Variants in NRG3 observed in about 807,000 individuals in gnomAD.
The protein encoded by NRG3 is pro-neuregulin-3, membrane-bound isoform.
In NRG3, 31 loss-of-function variants were observed where a neutral mutation model predicts 66.9. That is an observed-to-expected ratio of 0.46 (90% CI 0.35 to 0.63). NRG3 has a LOEUF of 0.63. Ranked by LOEUF, NRG3 falls within the 20% of genes least tolerant of loss-of-function variation. NRG3 has a pLI of 0.00. For synonymous variants in NRG3, 393 were observed against 359.4 expected, an observed-to-expected ratio of 1.09 and a Z score of -1.06; for missense variants, 910 against 878.9, an observed-to-expected ratio of 1.04 and a Z score of -0.45.
At chr10:82,415,379 G>C (rs970195943) in intron 2 of NRG3, among the ~76,000 whole-genome samples, 3 of 152,136 alleles carry the variant, frequency 2.0e-5, no homozygotes, top group Admixed American at 2.0e-4. Flanking sequence ...GCATTACGAT[G>C]TAAGTGCTTA....
intron 3 of NRG3, among the ~76,000 whole-genome samples, chr10:82,785,394 G>GA: frequency 6.6e-6 from 1 of 151,062 alleles, no homozygotes; most frequent in East Asian, 1.9e-4. Context: ...TAAATTAAAA[G>GA]AAAAAAGAAA....
chr10:82,131,549 G>T (rs1173852557), intron 1 of NRG3, among the ~76,000 whole-genome samples: 1 of 151,850 alleles, frequency 6.6e-6, no homozygotes, highest in African/African-American at 2.4e-5. Context: ...ATCAAATTTA[G>T]GATTATTTTT....
intron 2 of NRG3, among the ~76,000 whole-genome samples, chr10:82,372,671 G>T (rs551092984): frequency 6.6e-6 from 1 of 152,196 alleles, no homozygotes; most frequent in Admixed American, 6.5e-5. Context: ...TTGGCTCACT[G>T]CAACCTCCAC....
intron 1 of NRG3, among the ~76,000 whole-genome samples, chr10:81,911,617 T>G (rs868261990): frequency 1.4e-5 from 2 of 146,792 alleles, no homozygotes; most frequent in Non-Finnish European, 3.0e-5. Context: ...TTTTTTTTTT[T>G]TTTTTTTTTT....
chr10:82,912,152 T>A (rs1845382767), intron 4 of NRG3, among the ~76,000 whole-genome samples: 1 of 152,192 alleles, frequency 6.6e-6, no homozygotes, highest in South Asian at 2.1e-4. Context: ...ATGGTTAGAT[T>A]AAGTCTTCTA....
chr10:81,977,516 A>G (rs959651530), intron 1 of NRG3, among the ~76,000 whole-genome samples: 2 of 152,230 alleles, frequency 1.3e-5, no homozygotes, highest in Admixed American at 1.3e-4. Flanking sequence ...GCAAAATTAT[A>G]TTGAATTTCA....
intron 2 of NRG3, among the ~76,000 whole-genome samples, chr10:82,676,836 G>GT (rs960155913): frequency 1.5e-4 from 23 of 149,966 alleles, no homozygotes; most frequent in South Asian, 4.2e-4. Context: ...TTCTTTGAAC[G>GT]TTTTTTTTTC....
In NRG3 at chr10:82,624,918, T is replaced by TTTATA. The variant is rs1565140013; in HGVS notation, c.954-113658_954-113657insTATAT. On this transcript the variant is annotated intron_variant, in intron 2 of 8. Transcript: ENST00000372141. Reference sequence around the variant, plus strand: ...ATAAATATAAATATATATATATATTTTATATATATATATATATAAAATGTG... The same window carrying TTTATA: ...ATAAATATAAATATATATATATATTTTTATATATATATATATATATATAAAATGTG... Among the ~76,000 whole-genome samples, 10 of 144,350 alleles carry TTTATA rather than the reference T, an allele frequency of 6.9e-5. No homozygotes were observed. In the South Asian group the frequency reaches 2.2e-3, roughly 31 times the overall value. The allele number at this position is 144,350 out of a possible 152,430, so 94.7% of individuals were successfully genotyped here. A position where few individuals can be genotyped will look rare whatever the true frequency, so the allele number is the denominator to read the frequency against.
At chr10:82,809,269 A>C (rs1282598421) in intron 3 of NRG3, among the ~76,000 whole-genome samples, 1 of 152,188 alleles carries the variant, frequency 6.6e-6, no homozygotes, top group Non-Finnish European at 1.5e-5. Flanking sequence ...GTCTCAGGGC[A>C]TATTAAACAA....
intron 1 of NRG3, among the ~76,000 whole-genome samples, chr10:82,177,929 A>G (rs1564635034): frequency 6.6e-6 from 1 of 152,158 alleles, no homozygotes; most frequent in Non-Finnish European, 1.5e-5. Flanking sequence ...GGCCTCAAGC[A>G]GTCCTCCTGC....
chr10:81,907,517 C>T (rs532419801), intron 1 of NRG3, among the ~76,000 whole-genome samples: 5 of 152,192 alleles, frequency 3.3e-5, no homozygotes, highest in African/African-American at 4.8e-5. Flanking sequence ...TTCATATAAT[C>T]GTTTTTAATG....
intron 4 of NRG3, among the ~76,000 whole-genome samples, chr10:82,915,563 T>G (rs893669733): frequency 6.6e-6 from 1 of 152,214 alleles, no homozygotes; most frequent in African/African-American, 2.4e-5. Context: ...CTTAAGAATT[T>G]AAATATTGTG....
chr10:81,885,337 A>G lies in NRG3; in HGVS notation c.823+9174A>G, dbSNP rs571844072. Among the ~76,000 whole-genome samples the G allele has an allele frequency of 1.3e-4, 20 of 152,306 alleles. No individual in the cohort carries two copies. The East Asian group carries it at 2.1e-3, about 16-fold the overall frequency. ...ATAGCCTTTTAGTTCTGTAGACACT[A>G]AAGTACTGACTCTACCAAATCAATG... On this transcript the variant is annotated intron_variant, in intron 1 of 8. Transcript: ENST00000372141.
At chr10:82,359,994 G>A (rs557033699) in intron 2 of NRG3, among the ~76,000 whole-genome samples, 7 of 152,288 alleles carry the variant, frequency 4.6e-5, no homozygotes, top group East Asian at 1.9e-4. Flanking sequence ...GAACAGATAC[G>A]TGATATAGTA....
chr10:82,610,845 A>T (rs1486750177), intron 2 of NRG3, among the ~76,000 whole-genome samples: 1 of 152,212 alleles, frequency 6.6e-6, no homozygotes, highest in Non-Finnish European at 1.5e-5. Flanking sequence ...TTTACTCTAA[A>T]CTGAGATATG....
Position 82,780,484 on chromosome 10 carries a change from T to TG in NRG3, c.1027+41834_1027+41835insG, listed in dbSNP as rs1182679559. ...GCCTCTTTTTTTTTTTCTTTTCTTTTTTTTTTTTTTTTTGGTCAATCAAGT... is the reference window on the plus strand; with the variant it reads ...GCCTCTTTTTTTTTTTCTTTTCTTTTGTTTTTTTTTTTTTGGTCAATCAAGT... On this transcript the variant is annotated intron_variant, in intron 3 of 8. Coordinates refer to ENST00000372141, the MANE Select transcript of NRG3 (RefSeq NM_001010848.4). 1.2e-3 allele frequency among the ~76,000 whole-genome samples: 178 copies of TG among 149,486 alleles called. 2 individuals carry two copies. The East Asian group carries it at 0.027, about 22-fold the overall frequency.
chr10:82,218,307 C>T (rs2075782460), intron 1 of NRG3, among the ~76,000 whole-genome samples: 2 of 152,162 alleles, frequency 1.3e-5, no homozygotes, highest in South Asian at 2.1e-4. Flanking sequence ...TTATTCTTTT[C>T]ACCAGCTGCA....
chr10:82,941,159 T>C (rs1422876616), intron 4 of NRG3, among the ~76,000 whole-genome samples: 1 of 152,022 alleles, frequency 6.6e-6, no homozygotes, highest in Non-Finnish European at 1.5e-5. Context: ...GGGTTGCTTG[T>C]AGCAAGGCTC....
intron 1 of NRG3, among the ~76,000 whole-genome samples, chr10:82,233,221 C>T (rs1434363537): frequency 2.0e-5 from 3 of 152,062 alleles, no homozygotes; most frequent in South Asian, 2.1e-4. Flanking sequence ...AAAAATTAGC[C>T]GGGCATGGTG....
Sources: gnomAD v4.1 joint callset for allele counts (sites outside exome capture counted in the v4.1 genomes callset) on GRCh38, gnomAD v4.1.1 for gene constraint, MANE v1.5 for transcripts, NCBI Gene and HGNC (gene_info 2026-07-23, HGNC 2026-07-21) for gene names.